LRP1B: variants seen among roughly 807,000 people sequenced by gnomAD.
The protein encoded by LRP1B is low-density lipoprotein receptor-related protein 1B.
Under a neutral mutation model 556.6 loss-of-function variants are expected in LRP1B, and 217 were observed. The ratio of observed to expected loss-of-function variants is 0.39; its 90% CI spans 0.35 to 0.44. LRP1B has a LOEUF of 0.44. Among genes scored for constraint, LRP1B ranks in the 20% least tolerant of loss-of-function variants. The pLI is 1.00. For missense variants in LRP1B, 5,053 were observed against 5,620.8 expected (o/e 0.90, Z 3.23); for synonymous variants, 2,047 against 1,865.8 (o/e 1.10, Z -2.50).
intron 31 of LRP1B, among the ~76,000 whole-genome samples, chr2:140,839,169 C>T (rs1692016295): frequency 6.6e-6 from 1 of 152,144 alleles, no homozygotes; most frequent in South Asian, 2.1e-4. Flanking sequence ...TCAGATATTT[C>T]ACCAGTGAAA....
intron 5 of LRP1B, among the ~76,000 whole-genome samples, chr2:141,242,783 G>T (rs1355526808): frequency 6.6e-6 from 1 of 152,028 alleles, no homozygotes; most frequent in African/African-American, 2.4e-5. Flanking sequence ...TTTGTATGCT[G>T]GGATAAGTGC....
chr2:140,239,667 G>T (rs1680865421), intron 87 of LRP1B, 135 bp from the exon 88 acceptor site: 1 of 516,796 alleles, frequency 1.9e-6, no homozygotes, highest in Admixed American at 3.8e-5. Flanking sequence ...TATATTTCGG[G>T]TTCATAATTA....
chr2:141,192,216 T>C (rs1401926733), intron 6 of LRP1B, among the ~76,000 whole-genome samples: 1 of 151,920 alleles, frequency 6.6e-6, no homozygotes, highest in East Asian at 1.9e-4. Flanking sequence ...AGTAAGCCAA[T>C]ACATAAATGC....
chr2:141,011,071 C>CAGAGAGAGAGAGAGAG (rs143409764), intron 14 of LRP1B, among the ~76,000 whole-genome samples: 146 of 142,808 alleles, frequency 1.0e-3, no homozygotes, highest in Middle Eastern at 7.4e-3. Context: ...TGTATTCTCT[C>CAGAGAGAGAGAGAGAG]AGAGAGAGAG....
intron 66 of LRP1B, among the ~76,000 whole-genome samples, chr2:140,408,786 T>C (rs1684853728): frequency 1.3e-5 from 2 of 151,940 alleles, no homozygotes; most frequent in Non-Finnish European, 2.9e-5. Flanking sequence ...GATATCTTTC[T>C]ACTGAGTGTA....
intron 23 of LRP1B, chr2:140,899,143 G>A: frequency 5.0e-6 from 1 of 201,836 alleles, no homozygotes; most frequent in Non-Finnish European, 1.0e-5. Flanking sequence ...GAACCTTGCA[G>A]CATACTGACT....
chr2:140,984,689 C>G (rs2105346731), intron 17 of LRP1B, among the ~76,000 whole-genome samples: 2 of 152,194 alleles, frequency 1.3e-5, no homozygotes, highest in East Asian at 3.9e-4. Flanking sequence ...CTCATTAACT[C>G]TGAAGCTGGA....
chr2:141,177,320 C>G (rs1391069832), intron 7 of LRP1B, among the ~76,000 whole-genome samples: 3 of 152,062 alleles, frequency 2.0e-5, no homozygotes, highest in Admixed American at 6.6e-5. Flanking sequence ...TTTCTGGAAG[C>G]TAGTGTTACC....
intron 86 of LRP1B, among the ~76,000 whole-genome samples, chr2:140,254,237 C>T (rs1032330036): frequency 3.3e-5 from 5 of 151,966 alleles, no homozygotes; most frequent in South Asian, 2.1e-4. Flanking sequence ...AAGCACTATT[C>T]GACATATATT....
At chr2:140,474,631 C>T (rs1033115253) in intron 60 of LRP1B, among the ~76,000 whole-genome samples, 2 of 151,872 alleles carry the variant, frequency 1.3e-5, no homozygotes, top group Non-Finnish European at 2.9e-5. Context: ...TTTAACTATA[C>T]GTGACATCTT....
chr2:141,579,369 T>G (rs1185256436), intron 2 of LRP1B, among the ~76,000 whole-genome samples: 1 of 152,156 alleles, frequency 6.6e-6, no homozygotes, highest in Non-Finnish European at 1.5e-5. Flanking sequence ...TTCATTTTCC[T>G]CCAGGAGAGC....
chr2:141,537,382 A>T (rs2105202866), intron 2 of LRP1B, among the ~76,000 whole-genome samples: 1 of 152,240 alleles, frequency 6.6e-6, no homozygotes, highest in African/African-American at 2.4e-5. Flanking sequence ...AATACTCAAT[A>T]TCATGAGTAA....
At chr2:141,721,864 C>T (rs1266329135) in intron 2 of LRP1B, among the ~76,000 whole-genome samples, 1 of 152,118 alleles carries the variant, frequency 6.6e-6, no homozygotes, top group African/African-American at 2.4e-5. Context: ...ATCCTTTATC[C>T]AGACCATTAA....
At chr2:141,548,948 T>TA (rs533011531) in intron 2 of LRP1B, among the ~76,000 whole-genome samples, 7,575 of 149,986 alleles carry the variant, frequency 0.051, 225 homozygotes, top group Non-Finnish European at 0.067. Context: ...CGTTGCTGGT[T>TA]AAAAAAAAAA....
In LRP1B at chr2:141,009,185, T is replaced by A. The variant is rs181773324; in HGVS notation, c.2381-3728A>T. ...TATAAAATATGTGAAACTATGGGGA[T>A]TCTCTTTTTTTTTTTTCTAACTAAC... On this transcript the variant is annotated intron_variant, in intron 14 of 90. Coordinates refer to ENST00000389484, the MANE Select transcript of LRP1B (RefSeq NM_018557.3). Among the ~76,000 whole-genome samples, 3 of 151,734 alleles carry A rather than the reference T, an allele frequency of 2.0e-5. No homozygotes were observed. In the East Asian group the frequency reaches 5.8e-4, roughly 29 times the overall value.
At chr2:140,975,122 C>A (rs1294390890) in intron 18 of LRP1B, among the ~76,000 whole-genome samples, 1 of 152,106 alleles carries the variant, frequency 6.6e-6, no homozygotes, top group Admixed American at 6.6e-5. Context: ...AGTAATGCAA[C>A]CAAAAGGGCA....
At chr2:141,464,269 T>G (rs1015947498) in intron 3 of LRP1B, among the ~76,000 whole-genome samples, 1 of 152,148 alleles carries the variant, frequency 6.6e-6, no homozygotes, top group Non-Finnish European at 1.5e-5. Context: ...TGGTACAATC[T>G]CTAACATTTT....
At chr2:140,345,621 C>T (rs879861704) in intron 77 of LRP1B, among the ~76,000 whole-genome samples, 6 of 146,852 alleles carry the variant, frequency 4.1e-5, no homozygotes, top group Non-Finnish European at 6.0e-5. Context: ...TATCTCTAGC[C>T]CAGAATATGT....
Position 141,871,536 on chromosome 2 carries a change from A to G in LRP1B, c.83-61135T>C, listed in dbSNP as rs72994952. Among the ~76,000 whole-genome samples the G allele has an allele frequency of 8.5e-3, 1,288 of 152,122 alleles. 25 individuals carry two copies. The highest frequency in any genetic ancestry group is 0.029 in the African/African-American group (1,193 of 41,554). Reference sequence around the variant, plus strand: ...AATGCATCTACCAAAAAAGGAGAATACCAACTCTTGATACTAGACTAAGAA... The same window carrying G: ...AATGCATCTACCAAAAAAGGAGAATGCCAACTCTTGATACTAGACTAAGAA... On this transcript the variant is annotated intron_variant, in intron 1 of 90. Transcript: ENST00000389484.
Sources: allele counts gnomAD v4.1 joint callset (sites outside exome capture counted in the v4.1 genomes callset), GRCh38; gene constraint gnomAD v4.1.1; transcripts MANE v1.5; gene names NCBI Gene and HGNC (gene_info 2026-07-23, HGNC 2026-07-21).